The following PCDHGA2 variants were observed in gnomAD, a reference collection of about 807,000 sequenced individuals.
The protein encoded by PCDHGA2 is protocadherin gamma subfamily A, 2, also known as protocadherin gamma-A2.
Under a neutral mutation model 59.2 loss-of-function variants are expected in PCDHGA2, and 40 were observed. The observed-to-expected ratio is 0.68, with a 90% CI of 0.52 to 0.88. The LOEUF (loss-of-function observed/expected upper bound fraction) is 0.88. PCDHGA2 is among the 40% of genes least tolerant of loss of function. The probability of loss-of-function intolerance (pLI) is 0.00; values close to 1 mark genes in which losing one functional copy is unlikely to be tolerated. For synonymous variants in PCDHGA2, 560 were observed against 526.0 expected, an observed-to-expected ratio of 1.06 and a Z score of -0.89; for missense variants, 1,226 against 1,204.0, an observed-to-expected ratio of 1.02 and a Z score of -0.27.
chr5:141,377,724 A>G (rs549902283), intron 1 of PCDHGA2: 1 of 152,362 alleles, frequency 6.6e-6, no homozygotes, highest in South Asian at 2.1e-4. Flanking sequence ...TTTTGAAAAG[A>G]TAAGAATCAT....
intron 1 of PCDHGA2, chr5:141,379,705 C>T (rs1775757725): frequency 6.6e-6 from 1 of 152,118 alleles, no homozygotes; most frequent in South Asian, 2.1e-4. Context: ...GTTAAACATC[C>T]TGGCAGTCAT....
chr5:141,457,579 A>G (rs557894260), intron 1 of PCDHGA2, among the ~76,000 whole-genome samples: 123 of 152,346 alleles, frequency 8.1e-4, no homozygotes, highest in Non-Finnish European at 1.4e-3. Flanking sequence ...TTTTCTCTCC[A>G]GTCCTCATTT....
At chr5:141,404,647 T>C (rs764645495) in intron 1 of PCDHGA2, 20 of 1,614,190 alleles carry the variant, frequency 1.2e-5, no homozygotes, top group Admixed American at 1.7e-5. Context: ...TCCTGTACCC[T>C]GCCCTCCCCA....
At chr5:141,393,028 C>T in intron 1 of PCDHGA2, 6 of 1,613,768 alleles carry the variant, frequency 3.7e-6, no homozygotes, top group Non-Finnish European at 5.1e-6. Context: ...AGAGGTAGGA[C>T]GCAGCTCTTT....
chr5:141,388,426 T>A, intron 1 of PCDHGA2: 1 of 1,613,864 alleles, frequency 6.2e-7, no homozygotes, highest in Non-Finnish European at 8.5e-7. Flanking sequence ...TTCTCACTGA[T>A]AAATAAAGAG....
chr5:141,477,080 A>C lies in PCDHGA2; in HGVS notation c.2425-17727A>C. 1 of 1,614,254 alleles carries C rather than the reference A, an allele frequency of 6.2e-7. No homozygotes were observed. ...GGACACCAAACTCCATGAGATTTAC[A>C]TCCAGGCCAAAGACAAGGGCGCCAA... On this transcript the variant is annotated intron_variant, in intron 1 of 3. Coordinates refer to ENST00000394576, the MANE Select transcript of PCDHGA2 (RefSeq NM_018915.4). This position sits in a 1 kb window ranked among gnomAD's most constrained non-coding sequence, Gnocchi z 4.9.
chr5:141,422,150 T>A (rs773805631), intron 1 of PCDHGA2: 1 of 1,577,174 alleles, frequency 6.3e-7, no homozygotes, highest in Non-Finnish European at 8.6e-7. Context: ...CGGGGGTCTC[T>A]GGATTTTGAA....
intron 1 of PCDHGA2, among the ~76,000 whole-genome samples, chr5:141,449,131 G>A (rs530494400): frequency 7.9e-5 from 12 of 152,220 alleles, no homozygotes; most frequent in Non-Finnish European, 1.3e-4. Flanking sequence ...CCCAGAAATG[G>A]AATTGAAATT....
At chr5:141,424,171 C>A in intron 1 of PCDHGA2, 1 of 226,338 alleles carries the variant, frequency 4.4e-6, no homozygotes, top group Non-Finnish European at 8.0e-6. Flanking sequence ...ATCTATCTAT[C>A]TATACACATG....
At position 141,341,181 on chromosome 5, in the gene PCDHGA2, G is replaced by A; in HGVS notation, c.2210G>A (p.Ser737Asn). ...GGAGGCAGCTTGACAGGCATGCAGA[G>A]CTCGCACTTTGTGGGCGTGGACGGG... ...ASGGSLTGMQSSHFVGVDGVR... is the reference protein window; with the variant it reads ...ASGGSLTGMQNSHFVGVDGVR... Residue 737 changes from serine (S) to asparagine (N), a missense_variant, in exon 1 of 4, where the codon AGC (serine) becomes AAC (asparagine). Transcript: ENST00000394576. 2 of 1,614,222 alleles carry A rather than the reference G, an allele frequency of 1.2e-6. No homozygotes were observed. Among genetic ancestry groups the A allele is most frequent in the East Asian group, 2.2e-5 (1 of 44,880 alleles).
intron 1 of PCDHGA2, chr5:141,478,644 T>C (rs1217932733): frequency 6.4e-7 from 1 of 1,552,238 alleles, no homozygotes. Flanking sequence ...GATGAAGATG[T>C]TTTCCTGGTG....
chr5:141,351,275 A>T, intron 1 of PCDHGA2: 4 of 1,613,966 alleles, frequency 2.5e-6, no homozygotes, highest in Non-Finnish European at 3.4e-6. Context: ...CGAGAATGAC[A>T]ATGCCCCAGA....
At chr5:141,366,180 T>C in intron 1 of PCDHGA2, 1 of 1,613,950 alleles carries the variant, frequency 6.2e-7, no homozygotes, top group Non-Finnish European at 8.5e-7. Flanking sequence ...CCAGGACTCT[T>C]TGCGGTTGGG....
intron 1 of PCDHGA2, among the ~76,000 whole-genome samples, chr5:141,445,923 T>C (rs1169404585): frequency 6.6e-6 from 1 of 152,200 alleles, no homozygotes; most frequent in Non-Finnish European, 1.5e-5. Context: ...AGTGACAAGA[T>C]ATTTGAATTA....
Position 141,489,429 on chromosome 5 carries a change from G to A in PCDHGA2, c.2425-5378G>A. 1 of 1,614,140 alleles carries A rather than the reference G, an allele frequency of 6.2e-7. No individual in the cohort carries two copies. Among genetic ancestry groups the A allele is most frequent in the Non-Finnish European group, 8.5e-7 (1 of 1,180,036 alleles). ...AGATGACAGATCTGTTGAGCCGGCG[G>A]CTGCAATTGGGCTCTGAGGAGAATG... On this transcript the variant is annotated intron_variant, in intron 1 of 3. Transcript: ENST00000394576. The surrounding 1 kb of genome is among the most constrained non-coding windows in gnomAD (Gnocchi z 4.5).
At chr5:141,384,748 T>C in intron 1 of PCDHGA2, 1 of 1,613,966 alleles carries the variant, frequency 6.2e-7, no homozygotes, top group African/African-American at 1.3e-5. Flanking sequence ...GCCAGGACTC[T>C]TTGCGGTTGG....
chr5:141,421,715 T>G (rs756472123), intron 1 of PCDHGA2: 1 of 1,613,960 alleles, frequency 6.2e-7, no homozygotes, highest in Admixed American at 1.7e-5. Context: ...GATCCAGATG[T>G]GGGCGTGAAC....
intron 1 of PCDHGA2, among the ~76,000 whole-genome samples, chr5:141,492,435 C>T (rs191116850): frequency 8.5e-5 from 13 of 152,348 alleles, no homozygotes; most frequent in Admixed American, 8.5e-4. Context: ...CTCAGGAGTA[C>T]TCGTAGCTGA....
chr5:141,404,185 C>T, intron 1 of PCDHGA2: 1 of 1,613,214 alleles, frequency 6.2e-7, no homozygotes, highest in Non-Finnish European at 8.5e-7. Context: ...AAATTCTTGA[C>T]CGAGAAAAAG....
Sources: gnomAD v4.1 joint callset for allele counts (sites outside exome capture counted in the v4.1 genomes callset) on GRCh38, gnomAD v4.1.1 for gene constraint, Gnocchi (gnomAD v3.1) non-coding constraint, MANE v1.5 for transcripts, NCBI Gene and HGNC (gene_info 2026-07-23, HGNC 2026-07-21) for gene names.